ZFPL1: variants seen among roughly 807,000 people sequenced by gnomAD.
The protein encoded by ZFPL1 is zinc finger protein like 1.
In ZFPL1, 28 loss-of-function variants were observed where a neutral mutation model predicts 32.0. That is an observed-to-expected ratio of 0.87 (90% CI 0.65 to 1.20). The LOEUF is 1.20. Among genes scored for constraint, ZFPL1 ranks in the 50% most tolerant of loss-of-function variants. ZFPL1 has a pLI of 0.00. For missense variants in ZFPL1, 386 were observed against 424.8 expected (o/e 0.91, Z 0.80); for synonymous variants, 165 against 177.0 (o/e 0.93, Z 0.54).
intron 2 of ZFPL1, 82 bp downstream of exon 2, chr11:65,084,882 C>T (rs776966715): frequency 2.0e-6 from 3 of 1,513,316 alleles, no homozygotes; most frequent in Non-Finnish European, 2.7e-6. Context: ...TGAGGGGCCC[C>T]GCGCTAGAAT....
At chr11:65,086,880 C>G in intron 5 of ZFPL1, 48 bp from the exon 6 acceptor site, 1 of 1,613,284 alleles carries the variant, frequency 6.2e-7, no homozygotes, top group Non-Finnish European at 8.5e-7. Context: ...TGCTCTACCC[C>G]TGAGCTCTAT....
chr11:65,088,255 C>T lies in ZFPL1; in HGVS notation c.*141C>T. 8.3e-7 allele frequency: 1 copy of T among 1,198,834 alleles called. No individual in the cohort carries two copies. The highest frequency in any genetic ancestry group is 1.2e-6 in the Non-Finnish European group (1 of 856,838). The allele number at this position is 1,198,834 out of a possible 1,614,324, so 74.3% of individuals were successfully genotyped here. ...TAAGACCCCAGACCCAAAGCCAAGT[C>T]CACCAGAGTGGCTGCAGGCCAGGCC... is the stretch of plus-strand genomic sequence containing the variant. On this transcript the variant is annotated 3_prime_UTR_variant, in exon 8 of 8. Coordinates refer to ENST00000294258, the MANE Select transcript of ZFPL1 (RefSeq NM_006782.4).
intron 1 of ZFPL1, 49 bp downstream of exon 1, chr11:65,084,427 T>C (rs1288886030): frequency 7.5e-6 from 4 of 532,452 alleles, no homozygotes; most frequent in Non-Finnish European, 1.3e-5. Flanking sequence ...TCAGGAGAGG[T>C]CTTGGGGGCG....
rs770758130 is a variant in ZFPL1 at position 65,086,382 on chromosome 11, A to T, written c.215-33A>T. 11 of 1,613,628 alleles carry T rather than the reference A, an allele frequency of 6.8e-6. No individual in the cohort carries two copies. The East Asian group carries it at 2.5e-4, about 36-fold the overall frequency. On this transcript the variant is annotated intron_variant, in intron 3 of 7. Transcript: ENST00000294258. ...AGGAGCCCTAAGTGTCTTCTTCCTCATGTCTCTTCTCCCCTGTCTCATGGG... is the reference window on the plus strand; with the variant it reads ...AGGAGCCCTAAGTGTCTTCTTCCTCTTGTCTCTTCTCCCCTGTCTCATGGG...
intron 3 of ZFPL1, 119 bp from the exon 4 acceptor site, chr11:65,086,296 G>T: frequency 7.6e-7 from 1 of 1,309,674 alleles, no homozygotes; most frequent in Non-Finnish European, 1.1e-6. Context: ...GGAGGAGAAG[G>T]CTCTGGCACA....
In ZFPL1 at chr11:65,086,793, G is replaced by A; in HGVS notation, c.481+1G>A. 6.2e-7 allele frequency: 1 copy of A among 1,614,178 alleles called. No individual in the cohort carries two copies. The highest frequency in any genetic ancestry group is 8.5e-7 in the Non-Finnish European group (1 of 1,180,030). On this transcript the variant is annotated splice_donor_variant, in intron 5 of 7. Coordinates refer to ENST00000294258, the MANE Select transcript of ZFPL1 (RefSeq NM_006782.4). LOFTEE classifies it high-confidence loss of function. Reference sequence around the variant, plus strand: ...TTCTCTGACTGGTCTAGTTTTAATGGTAAGTGGTGGCTTCCACCGACTGTT... The same window carrying A: ...TTCTCTGACTGGTCTAGTTTTAATGATAAGTGGTGGCTTCCACCGACTGTT...
chr11:65,086,127 T>A (rs774468752), intron 3 of ZFPL1: 14 of 508,684 alleles, frequency 2.8e-5, no homozygotes, highest in Non-Finnish European at 4.2e-5. Flanking sequence ...AAGAATATGA[T>A]GAGTGCAGGC....
chr11:65,086,519 C>T lies in ZFPL1; in HGVS notation c.319C>T (p.Pro107Ser), dbSNP rs748829812. 6 of 1,614,124 alleles carry T rather than the reference C, an allele frequency of 3.7e-6. No homozygotes were observed. Among genetic ancestry groups the T allele is most frequent in the South Asian group, 2.2e-5 (2 of 91,086 alleles). The change falls in exon 4 of 8, where the codon CCA becomes TCA. Residue 107 changes from proline to serine, a missense_variant. By Grantham distance (74) the Pro-to-Ser change is moderately conservative (BLOSUM62 -1). Transcript: ENST00000294258. Reference protein sequence around the residue: ...CPSCNGPIFPPTNLAGPVASA... With the variant: ...CPSCNGPIFPSTNLAGPVASA... ...CAGCTGCAATGGCCCCATCTTCCCC[C>T]CAACCAACCTGGCTGGCCCCGTGGC...
Position 65,087,958 on chromosome 11 carries a change from G to C in ZFPL1, c.777G>C (p.Leu259=), listed in dbSNP as rs1006659505. 60 of 1,575,310 alleles carry C rather than the reference G, an allele frequency of 3.8e-5. No individual in the cohort carries two copies. Among genetic ancestry groups the C allele is most frequent in the Non-Finnish European group, 4.9e-5 (57 of 1,170,644 alleles). Residue 259 remains leucine, a synonymous_variant, in exon 8 of 8, where the codon CTG becomes CTC. Transcript: ENST00000294258. ...GGGCTGGGTCTCGGAAGCGGCCGCT[G>C]ACCCTGCTCCAGCGGGCGGGGCTGC... ...RSRAGSRKRP[L]TLLQRAGLLL... is the part of the protein sequence containing the mutation.
In ZFPL1 at chr11:65,085,463, G is replaced by T. The variant is rs1462224717; in HGVS notation, c.214+237G>T. The T allele has an allele frequency of 9.0e-6, 5 of 552,492 alleles. No individual in the cohort carries two copies. The Admixed American group carries it at 1.5e-4, about 17-fold the overall frequency. The allele number at this position is 552,492 out of a possible 1,614,324, so 34.2% of individuals were successfully genotyped here. ...CTAGTTCCTCTTTCCTAAAAATTAA[G>T]CCCTGCCAATCTGGAGGTTTCAGCG... On this transcript the variant is annotated intron_variant, in intron 3 of 7. Coordinates refer to ENST00000294258, the MANE Select transcript of ZFPL1 (RefSeq NM_006782.4).
chr11:65,086,206 T>G, intron 3 of ZFPL1: 1 of 685,786 alleles, frequency 1.5e-6, no homozygotes, highest in South Asian at 1.8e-5. Flanking sequence ...CTTACCCCTG[T>G]GAGCTGGACA....
At chr11:65,084,484 G>A in intron 1 of ZFPL1, 106 bp downstream of exon 1, 2 of 592,542 alleles carry the variant, frequency 3.4e-6, no homozygotes, top group South Asian at 4.2e-5. Context: ...CTGGCCGGGG[G>A]CGGGATCCAG....
chr11:65,085,474 C>G, intron 3 of ZFPL1: 1 of 538,064 alleles, frequency 1.9e-6, no homozygotes, highest in Non-Finnish European at 3.4e-6. Context: ...CCCTGCCAAT[C>G]TGGAGGTTTC....
intron 3 of ZFPL1, chr11:65,085,474 CT>C: frequency 1.9e-6 from 1 of 538,064 alleles, no homozygotes; most frequent in East Asian, 3.3e-5. Flanking sequence ...CCCTGCCAAT[CT>C]GGAGGTTTCA....
At chr11:65,084,879 C>T (rs773381646) in intron 2 of ZFPL1, 79 bp downstream of exon 2, 13 of 1,527,040 alleles carry the variant, frequency 8.5e-6, no homozygotes, top group Non-Finnish European at 1.1e-5. Context: ...CCATGAGGGG[C>T]CCCGCGCTAG....
In ZFPL1 at chr11:65,086,774, G is replaced by A; in HGVS notation, c.463G>A (p.Asp155Asn). 6.2e-7 allele frequency: 1 copy of A among 1,614,206 alleles called. No individual in the cohort carries two copies. Among genetic ancestry groups the A allele is most frequent in the Non-Finnish European group, 8.5e-7 (1 of 1,180,040 alleles). The change falls in exon 5 of 8, where the codon GAC (aspartate) becomes AAC (asparagine). Residue 155 changes from aspartate (D) to asparagine (N), a missense_variant. Transcript: ENST00000294258. ...GCCCCTCAACACGTCTGACTTCTCT[G>A]ACTGGTCTAGTTTTAATGGTAAGTG... is the stretch of plus-strand genomic sequence containing the variant. Reference protein sequence around the residue: ...PEPLNTSDFSDWSSFNASSTP... With the variant: ...PEPLNTSDFSNWSSFNASSTP...
chr11:65,087,002 C>T lies in ZFPL1; in HGVS notation c.556C>T (p.Pro186Ser), dbSNP rs143008076. Residue 186 changes from proline (P) to serine (S), a missense_variant, in exon 6 of 8, where the codon CCC (proline) becomes TCC (serine). Physicochemically the swap from Pro to Ser is moderately conservative, Grantham distance 74. Transcript: ENST00000294258. ...APAFYSQAPR[P>S]PASPGRPEQH... Reference sequence around the variant, plus strand: ...AGCCTTCTACAGCCAGGCCCCCCGGCCCCCAGCTTCCCCAGGCCGGCCCGA... The same window carrying T: ...AGCCTTCTACAGCCAGGCCCCCCGGTCCCCAGCTTCCCCAGGCCGGCCCGA... 39 of 1,613,818 alleles carry T rather than the reference C, an allele frequency of 2.4e-5. No homozygotes were observed. In the African/African-American group the frequency reaches 4.5e-4, roughly 19 times the overall value.
chr11:65,084,897 G>A, intron 2 of ZFPL1, 97 bp downstream of exon 2: 2 of 1,409,112 alleles, frequency 1.4e-6, no homozygotes, highest in South Asian at 1.2e-5. Flanking sequence ...TAGAATGTAA[G>A]CCCCACAAGG....
Position 65,085,164 on chromosome 11 carries a change from C to G in ZFPL1, c.152C>G (p.Pro51Arg), listed in dbSNP as rs1487393970. The change falls in exon 3 of 8, where the codon CCC becomes CGC. Residue 51 changes from proline (P) to arginine (R), a missense_variant. Transcript: ENST00000294258. ...TGGCTCCAAGATAGCGACTACAACC[C>G]CAATTGCCGCCTGTGCAACATACCC... Reference protein sequence around the residue: ...LQWLQDSDYNPNCRLCNIPLA... With the variant: ...LQWLQDSDYNRNCRLCNIPLA... The G allele has an allele frequency of 1.2e-6, 2 of 1,614,006 alleles. No homozygotes were observed. The highest frequency in any genetic ancestry group is 1.7e-6 in the Non-Finnish European group (2 of 1,180,030).
Sources: gnomAD v4.1 joint callset for allele counts on GRCh38, gnomAD v4.1.1 for gene constraint, MANE v1.5 for transcripts, NCBI Gene and HGNC (gene_info 2026-07-23, HGNC 2026-07-21) for gene names.